Variants in CDH4 observed in about 807,000 individuals in gnomAD.
CDH4 encodes cadherin 4.
In CDH4, 33 loss-of-function variants were observed where a neutral mutation model predicts 86.0. The ratio of observed to expected loss-of-function variants is 0.38; its 90% CI spans 0.29 to 0.51. The LOEUF (loss-of-function observed/expected upper bound fraction) is 0.51. CDH4 is among the 20% of genes least tolerant of loss of function. The pLI is 0.86. For missense variants in CDH4, 1,114 were observed against 1,307.4 expected (o/e 0.85, Z 2.28); for synonymous variants, 555 against 549.4 (o/e 1.01, Z -0.14).
intron 2 of CDH4, among the ~76,000 whole-genome samples, chr20:61,430,463 G>A (rs2085240345): frequency 6.6e-6 from 1 of 152,172 alleles, no homozygotes; most frequent in Non-Finnish European, 1.5e-5. Context: ...AGGAGGAAAT[G>A]GGAAACCTGC....
chr20:61,453,636 C>G (rs1431208548), intron 2 of CDH4, among the ~76,000 whole-genome samples: 1 of 152,200 alleles, frequency 6.6e-6, no homozygotes, highest in Non-Finnish European at 1.5e-5. Flanking sequence ...TGCAGACAAT[C>G]TGCAGGCTGT....
chr20:61,814,029 A>G (rs558313946), intron 4 of CDH4, among the ~76,000 whole-genome samples: 1 of 152,270 alleles, frequency 6.6e-6, no homozygotes, highest in Non-Finnish European at 1.5e-5. Context: ...ATGCAGACCA[A>G]TTGTTCCAGG....
At chr20:61,672,109 GTGTA>G (rs1053638591) in intron 2 of CDH4, among the ~76,000 whole-genome samples, 7 of 151,632 alleles carry the variant, frequency 4.6e-5, no homozygotes, top group East Asian at 1.9e-4. Flanking sequence ...GGTTGGATGA[GTGTA>G]TGGGCAGGTG....
At chr20:61,379,683 C>T (rs531771650) in intron 2 of CDH4, among the ~76,000 whole-genome samples, 4 of 152,188 alleles carry the variant, frequency 2.6e-5, no homozygotes, top group South Asian at 4.2e-4. Flanking sequence ...TGCACTGATT[C>T]GACAAAGAAT....
intron 1 of CDH4, among the ~76,000 whole-genome samples, chr20:61,254,285 T>TCGAC (rs908962489): frequency 1.3e-5 from 2 of 152,204 alleles, no homozygotes; most frequent in African/African-American, 4.8e-5. Context: ...GCTGCCTTCT[T>TCGAC]CGACCGGCTC....
In CDH4 at chr20:61,812,471, G is replaced by A. The variant is rs1042391947; in HGVS notation, c.577-32197G>A. On this transcript the variant is annotated intron_variant, in intron 4 of 15. Coordinates refer to ENST00000614565, the MANE Select transcript of CDH4 (RefSeq NM_001794.5). The stretch of plus-strand genomic sequence containing the variant: ...GTTCGCTGCCCAGGGAAATGGGTCT[G>A]GGCCTGGTACCGACTGCACCAGCTT... Among the ~76,000 whole-genome samples, 4 of 152,144 alleles carry A rather than the reference G, an allele frequency of 2.6e-5. No individual in the cohort carries two copies. In the East Asian group the frequency reaches 5.8e-4, roughly 22 times the overall value.
At chr20:61,793,515 C>A (rs1979328719) in intron 4 of CDH4, among the ~76,000 whole-genome samples, 1 of 152,150 alleles carries the variant, frequency 6.6e-6, no homozygotes, top group African/African-American at 2.4e-5. Context: ...GGTCAGGGTG[C>A]TCCCTGGACA....
chr20:61,525,486 C>T (rs575967305), intron 2 of CDH4, among the ~76,000 whole-genome samples: 1 of 152,280 alleles, frequency 6.6e-6, no homozygotes, highest in South Asian at 2.1e-4. Context: ...GTAGGCTGCT[C>T]AGCCATGGCC....
At chr20:61,301,566 G>T (rs185907123) in intron 2 of CDH4, among the ~76,000 whole-genome samples, 1 of 152,250 alleles carries the variant, frequency 6.6e-6, no homozygotes, top group East Asian at 1.9e-4. Flanking sequence ...TTATTCTCCG[G>T]CCATAAAACT....
At chr20:61,605,683 C>T (rs563114798) in intron 2 of CDH4, among the ~76,000 whole-genome samples, 114 of 152,170 alleles carry the variant, frequency 7.5e-4, no homozygotes, top group African/African-American at 1.1e-3. Flanking sequence ...TGTTCTCATT[C>T]ACTCTTTTCC....
At chr20:61,304,478 G>T (rs1030010991) in intron 2 of CDH4, among the ~76,000 whole-genome samples, 4 of 152,086 alleles carry the variant, frequency 2.6e-5, no homozygotes, top group African/African-American at 9.7e-5. Flanking sequence ...GCCTTTGGTC[G>T]TGTTGTGTGT....
At chr20:61,820,404 C>T (rs1024608979) in intron 4 of CDH4, among the ~76,000 whole-genome samples, 1 of 152,254 alleles carries the variant, frequency 6.6e-6, no homozygotes, top group African/African-American at 2.4e-5. Context: ...TGCGGGCCTC[C>T]GGGCACCTGC....
intron 2 of CDH4, among the ~76,000 whole-genome samples, chr20:61,283,779 A>G (rs955250455): frequency 2.6e-5 from 4 of 152,310 alleles, no homozygotes; most frequent in East Asian, 3.9e-4. Context: ...TTTCTGGTTC[A>G]GAAGCTCTGT....
intron 2 of CDH4, among the ~76,000 whole-genome samples, chr20:61,349,856 C>A (rs886854642): frequency 4.6e-5 from 7 of 152,162 alleles, no homozygotes; most frequent in Non-Finnish European, 8.8e-5. Context: ...TCATGTGGGA[C>A]CCAGCTCAGA....
chr20:61,893,090 G>A (rs939748027), intron 7 of CDH4, among the ~76,000 whole-genome samples: 4 of 149,944 alleles, frequency 2.7e-5, no homozygotes, highest in Middle Eastern at 3.5e-3. Context: ...GAGGGATGCT[G>A]GATGGGTGGG....
At position 61,873,827 on chromosome 20, in the gene CDH4, C is replaced by G; in HGVS notation, c.977C>G (p.Pro326Arg). 1 of 1,614,106 alleles carries G rather than the reference C, an allele frequency of 6.2e-7. No individual in the cohort carries two copies. Among genetic ancestry groups the G allele is most frequent in the Non-Finnish European group, 8.5e-7 (1 of 1,180,018 alleles). ...ATCGTGACCCAGACCCCACAGAGCC[C>G]GTCCCAGAATATGTTCACCATCAAC... The part of the protein sequence containing the change: ...YRIVTQTPQS[P>R]SQNMFTINSE... The change falls in exon 7 of 16, where the codon CCG becomes CGG. Residue 326 changes from proline (P) to arginine (R), a missense_variant. Pro to Arg is a moderately radical substitution (Grantham distance 103, BLOSUM62 -2). This residue lies in a region of CDH4 where 705 missense variants were observed against 914.1 expected (regional missense o/e 0.77). Coordinates refer to ENST00000614565, the MANE Select transcript of CDH4 (RefSeq NM_001794.5).
At chr20:61,587,762 A>G (rs2086489374) in intron 2 of CDH4, among the ~76,000 whole-genome samples, 2 of 152,270 alleles carry the variant, frequency 1.3e-5, no homozygotes, top group South Asian at 4.1e-4. Context: ...AAGGAAAATT[A>G]AGCAGCAGAA....
At chr20:61,568,881 C>G (rs1374740610) in intron 2 of CDH4, among the ~76,000 whole-genome samples, 1 of 152,194 alleles carries the variant, frequency 6.6e-6, no homozygotes, top group Non-Finnish European at 1.5e-5. Flanking sequence ...ACTGCTTTCT[C>G]CCCCAATGAG....
chr20:61,755,796 A>G (rs2088558199), intron 3 of CDH4, among the ~76,000 whole-genome samples: 1 of 152,074 alleles, frequency 6.6e-6, no homozygotes, highest in African/African-American at 2.4e-5. Context: ...CACACACACC[A>G]CACATTTACA....
Sources: gnomAD v4.1 joint callset for allele counts (sites outside exome capture counted in the v4.1 genomes callset) on GRCh38, gnomAD v4.1.1 for gene constraint, gnomAD v4.1.1 regional missense constraint, MANE v1.5 for transcripts, NCBI Gene and HGNC (gene_info 2026-07-23, HGNC 2026-07-21) for gene names.